The following SLC39A10 variants were observed in gnomAD, a reference collection of about 807,000 sequenced individuals.
SLC39A10 encodes zinc transporter ZIP10.
A neutral mutation model predicts 65.1 loss-of-function variants in SLC39A10; 13 were observed. The observed-to-expected ratio is 0.20, with a 90% CI of 0.13 to 0.32. The LOEUF (loss-of-function observed/expected upper bound fraction) is 0.32. Ranked by LOEUF, SLC39A10 falls within the 10% of genes least tolerant of loss-of-function variation. The probability of loss-of-function intolerance (pLI) is 1.00; values close to 1 mark genes in which losing one functional copy is unlikely to be tolerated. For synonymous variants in SLC39A10, 321 were observed against 342.2 expected, an observed-to-expected ratio of 0.94 and a Z score of 0.68; for missense variants, 831 against 1,018.4, an observed-to-expected ratio of 0.82 and a Z score of 2.50.
chr2:195,658,151 C>G (rs1367790814), intron 1 of SLC39A10: 1 of 152,470 alleles, frequency 6.6e-6, no homozygotes, highest in Admixed American at 6.5e-5. Context: ...TGCTGAACTC[C>G]TTGCCTCTCC....
Position 195,675,700 on chromosome 2 carries a change from G to A in SLC39A10, c.-11-4332G>A, listed in dbSNP as rs189062914. On this transcript the variant is annotated intron_variant, in intron 1 of 9. Transcript: ENST00000359634. ...ACCCACCTCGGCCTCCCAAAGTGCT[G>A]GGATTACAGGCGTGAGCCACCATGC... 4.1e-4 allele frequency among the ~76,000 whole-genome samples: 63 copies of A among 152,218 alleles called. 1 individual carries two copies. In the East Asian group the frequency reaches 9.9e-3, roughly 24 times the overall value.
At chr2:195,662,310 C>T (rs1689439307) in intron 1 of SLC39A10, among the ~76,000 whole-genome samples, 1 of 151,490 alleles carries the variant, frequency 6.6e-6, no homozygotes, top group Non-Finnish European at 1.5e-5. Context: ...TCTCTGTTCC[C>T]CAGGCTGGAG....
intron 2 of SLC39A10, among the ~76,000 whole-genome samples, chr2:195,682,609 A>G (rs1270133289): frequency 6.6e-6 from 1 of 152,122 alleles, no homozygotes; most frequent in East Asian, 1.9e-4. Context: ...AATTATTATG[A>G]CTTAGGATAA....
intron 6 of SLC39A10, among the ~76,000 whole-genome samples, chr2:195,716,272 C>G (rs1420009044): frequency 6.6e-6 from 1 of 152,138 alleles, no homozygotes; most frequent in Non-Finnish European, 1.5e-5. Flanking sequence ...AAAAGGCTTT[C>G]TATCCAAAGA....
rs149781153 is a variant in SLC39A10, at chr2:195,704,515, C to T, written c.1217-2101C>T. 5.3e-3 allele frequency among the ~76,000 whole-genome samples: 803 copies of T among 152,202 alleles called. 3 individuals are homozygous for T. The highest frequency in any genetic ancestry group is 9.7e-3 in the Non-Finnish European group (659 of 68,002). On this transcript the variant is annotated intron_variant, in intron 3 of 9. Transcript: ENST00000359634. Reference sequence around the variant, plus strand: ...CATTTTTGATTTAGCTGGCCAATAACTTTATTGGCTCTAAGACCTCGTGTC... The same window carrying T: ...CATTTTTGATTTAGCTGGCCAATAATTTTATTGGCTCTAAGACCTCGTGTC...
chr2:195,699,787 T>C (rs1352334559), intron 3 of SLC39A10, among the ~76,000 whole-genome samples: 1 of 152,146 alleles, frequency 6.6e-6, no homozygotes, highest in Admixed American at 6.5e-5. Flanking sequence ...ATATTAGATG[T>C]AGTTGGTTTA....
intron 2 of SLC39A10, among the ~76,000 whole-genome samples, chr2:195,639,895 A>G (rs1688770594): frequency 6.6e-6 from 1 of 152,252 alleles, no homozygotes; most frequent in Non-Finnish European, 1.5e-5. Context: ...GAAAATCCAC[A>G]TAAATTATTT....
intron 2 of SLC39A10, among the ~76,000 whole-genome samples, chr2:195,640,938 C>G (rs1312136537): frequency 6.6e-6 from 1 of 152,136 alleles, no homozygotes; most frequent in East Asian, 1.9e-4. Flanking sequence ...AGCAATGGTT[C>G]ATGTGTTGGG....
chr2:195,643,702 C>G lies in SLC39A10; in HGVS notation c.-11-36330C>G, dbSNP rs570018785. Among the ~76,000 whole-genome samples, 3 of 152,300 alleles carry G rather than the reference C, an allele frequency of 2.0e-5. No homozygotes were observed. In the South Asian group the frequency reaches 6.2e-4, roughly 32 times the overall value. On this transcript the variant is annotated intron_variant, in intron 2 of 2. Coordinates refer to the SLC39A10 transcript ENST00000458054. The stretch of plus-strand genomic sequence containing the variant: ...GAACCTTGAATCTGAATTTCTCAGT[C>G]TCCTTCTTACCTGTCCTCTACTGCC...
chr2:195,682,857 TAA>T (rs546650490), intron 2 of SLC39A10, among the ~76,000 whole-genome samples: 2 of 143,242 alleles, frequency 1.4e-5, no homozygotes, highest in Non-Finnish European at 3.1e-5. Flanking sequence ...AAATAAAAAA[TAA>T]AAAAAAAAAA....
intron 1 of SLC39A10, among the ~76,000 whole-genome samples, chr2:195,666,268 T>G: frequency 6.6e-6 from 1 of 152,158 alleles, no homozygotes; most frequent in Non-Finnish European, 1.5e-5. Context: ...ACTTGGAGAT[T>G]TTTTGATTAT....
At chr2:195,705,900 C>T (rs530181493) in intron 3 of SLC39A10, among the ~76,000 whole-genome samples, 1 of 152,198 alleles carries the variant, frequency 6.6e-6, no homozygotes, top group South Asian at 2.1e-4. Flanking sequence ...CCCCACCATA[C>T]CTATTTTTCT....
At chr2:195,713,036 A>G (rs2105820134) in intron 5 of SLC39A10, among the ~76,000 whole-genome samples, 1 of 152,314 alleles carries the variant, frequency 6.6e-6, no homozygotes, top group Non-Finnish European at 1.5e-5. Context: ...CGTCACATTC[A>G]GGGAAATATA....
chr2:195,732,486 G>T (rs1007189835), intron 9 of SLC39A10, among the ~76,000 whole-genome samples: 1 of 152,210 alleles, frequency 6.6e-6, no homozygotes, highest in African/African-American at 2.4e-5. Context: ...ATGACAAACA[G>T]TGTGGGTGTT....
chr2:195,633,128 G>A (rs73987221), intron 2 of SLC39A10, among the ~76,000 whole-genome samples: 1,617 of 152,296 alleles, frequency 0.011, 28 homozygotes, highest in African/African-American at 0.037. Context: ...TTTCTCTGAT[G>A]TAATCATTTT....
At chr2:195,665,260 C>T (rs1353207945) in intron 1 of SLC39A10, among the ~76,000 whole-genome samples, 12 of 152,020 alleles carry the variant, frequency 7.9e-5, no homozygotes, top group African/African-American at 2.7e-4. Flanking sequence ...GAGGTTGCAG[C>T]GAGCAGAGAT....
At chr2:195,713,305 C>T in intron 5 of SLC39A10, 128 bp from the exon 6 acceptor site, 6 of 731,396 alleles carry the variant, frequency 8.2e-6, no homozygotes, top group Non-Finnish European at 1.2e-5. Context: ...TTTTCACGCC[C>T]CTTTAAAATA....
chr2:195,655,374 C>T (rs1689124630), upstream of SLC39A10, among the ~76,000 whole-genome samples: 1 of 152,076 alleles, frequency 6.6e-6, no homozygotes. Context: ...AGTGTAGGTG[C>T]CCTAAAATGT....
At chr2:195,637,177 T>G (rs912524565) in intron 2 of SLC39A10, among the ~76,000 whole-genome samples, 3 of 152,144 alleles carry the variant, frequency 2.0e-5, no homozygotes, top group African/African-American at 7.2e-5. Flanking sequence ...GAGAAAAGAT[T>G]ATCATGTCTC....
Sources: allele counts gnomAD v4.1 joint callset (sites outside exome capture counted in the v4.1 genomes callset), GRCh38; gene constraint gnomAD v4.1.1; transcripts MANE v1.5; gene names NCBI Gene and HGNC (gene_info 2026-07-23, HGNC 2026-07-21).